Variants in LINGO2 observed in about 807,000 individuals in gnomAD.
The protein encoded by LINGO2 is leucine rich repeat and Ig domain containing 2.
Under a neutral mutation model 30.6 loss-of-function variants are expected in LINGO2, and 14 were observed. The observed-to-expected ratio is 0.46, with a 90% confidence interval of 0.30 to 0.72. The LOEUF is 0.72. LINGO2 is among the 30% of genes least tolerant of loss of function. LINGO2 has a pLI of 0.07. For synonymous variants in LINGO2, 317 were observed against 288.5 expected (o/e 1.10, Z -1.00); for missense variants, 729 against 751.7 (o/e 0.97, Z 0.35).
At chr9:28,142,865 T>C (rs77671100) in intron 4 of LINGO2, among the ~76,000 whole-genome samples, 1,634 of 152,320 alleles carry the variant, frequency 0.011, 25 homozygotes, top group African/African-American at 0.037. Context: ...ATCATTTCCC[T>C]AGCTGGAGTG....
At chr9:29,071,909 T>C in the LINGO2 span, among the ~76,000 whole-genome samples, 2 of 152,134 alleles carry the variant, frequency 1.3e-5, no homozygotes, top group African/African-American at 2.4e-5. Context: ...ATGATTCTGA[T>C]GAAAATGATT....
At chr9:29,139,265 G>T in the LINGO2 span, among the ~76,000 whole-genome samples, 19 of 152,128 alleles carry the variant, frequency 1.2e-4, no homozygotes, top group Non-Finnish European at 2.5e-4. Flanking sequence ...CTAATACCTT[G>T]ATTACAGCTT....
Position 28,512,580 on chromosome 9 carries a change from GATATATATGTGTGTATAT to G in LINGO2, c.-364-36573_-364-36556del, listed in dbSNP as rs1328759123. Among the ~76,000 whole-genome samples, 228 of 87,098 alleles carry G rather than the reference GATATATATGTGTGTATAT, an allele frequency of 2.6e-3. 5 individuals carry two copies. Among genetic ancestry groups the G allele is most frequent in the Admixed American group, 0.018 (130 of 7,260 alleles). 57.1% of individuals were successfully genotyped at this position (87,098 alleles called of 152,430 possible). On this transcript the variant is annotated intron_variant, in intron 1 of 5. Transcript: ENST00000379992. Reference sequence around the variant, plus strand: ...TTCTCTAGAGGGACAGAACTAACAGGATATATATGTGTGTATATATATATATATATATATATATATATA... The same window carrying G: ...TTCTCTAGAGGGACAGAACTAACAGGATATATATATATATATATATATATA...
intron 4 of LINGO2, among the ~76,000 whole-genome samples, chr9:28,054,101 T>TG (rs1824805553): frequency 6.6e-6 from 1 of 150,928 alleles, no homozygotes; most frequent in African/African-American, 2.5e-5. Flanking sequence ...TGATGGGAGG[T>TG]GGGGAGAAGC....
At chr9:28,676,029 T>C in the LINGO2 span, among the ~76,000 whole-genome samples, 1 of 150,464 alleles carries the variant, frequency 6.6e-6, no homozygotes, top group East Asian at 1.9e-4. Context: ...TTTCAATTAA[T>C]AATATGATAT....
At chr9:29,007,695 A>G in the LINGO2 span, among the ~76,000 whole-genome samples, 1 of 152,078 alleles carries the variant, frequency 6.6e-6, no homozygotes, top group Non-Finnish European at 1.5e-5. Flanking sequence ...ATTCAGTGAT[A>G]TCCAAAGTGT....
the LINGO2 span, among the ~76,000 whole-genome samples, chr9:29,020,042 T>C: frequency 2.0e-5 from 3 of 152,218 alleles, no homozygotes; most frequent in Non-Finnish European, 2.9e-5. Flanking sequence ...TGAAGGCATA[T>C]GTTTAGCAGC....
At chr9:28,924,122 C>T in the LINGO2 span, among the ~76,000 whole-genome samples, 3 of 152,314 alleles carry the variant, frequency 2.0e-5, no homozygotes, top group Admixed American at 2.0e-4. Flanking sequence ...GGCACGTGCC[C>T]TGTGTACTAT....
chr9:28,709,542 C>G, the LINGO2 span, among the ~76,000 whole-genome samples: 2 of 151,834 alleles, frequency 1.3e-5, no homozygotes, highest in Admixed American at 1.3e-4. Flanking sequence ...AATTTTACTT[C>G]AAATCAAATG....
intron 4 of LINGO2, among the ~76,000 whole-genome samples, chr9:28,035,746 G>T (rs1042862462): frequency 1.3e-5 from 2 of 152,274 alleles, no homozygotes; most frequent in East Asian, 1.9e-4. Flanking sequence ...CATTGTAGGG[G>T]TATGTTGAAT....
the LINGO2 span, among the ~76,000 whole-genome samples, chr9:28,854,796 A>G: frequency 6.6e-6 from 1 of 151,930 alleles, no homozygotes; most frequent in South Asian, 2.1e-4. Context: ...ACCAAAAAGA[A>G]CTGTTAGCTG....
At chr9:28,603,115 T>C (rs958947937) in intron 1 of LINGO2, among the ~76,000 whole-genome samples, 1 of 152,052 alleles carries the variant, frequency 6.6e-6, no homozygotes, top group African/African-American at 2.4e-5. Flanking sequence ...TACAAGTATG[T>C]GTTTAAAATG....
chr9:28,294,709 C>G (rs958769045), intron 4 of LINGO2, among the ~76,000 whole-genome samples: 1 of 152,096 alleles, frequency 6.6e-6, no homozygotes, highest in Admixed American at 6.6e-5. Context: ...TCTTAAATAA[C>G]AGGTGAATAG....
the LINGO2 span, among the ~76,000 whole-genome samples, chr9:29,072,173 T>C: frequency 6.9e-6 from 1 of 145,370 alleles, no homozygotes; most frequent in Non-Finnish European, 1.5e-5. Flanking sequence ...ATTATATATA[T>C]TGAATGAGGG....
the LINGO2 span, among the ~76,000 whole-genome samples, chr9:28,921,615 T>A: frequency 6.6e-6 from 1 of 152,198 alleles, no homozygotes; most frequent in African/African-American, 2.4e-5. Flanking sequence ...GGAGCACAGC[T>A]AAGAGAGCGG....
At chr9:29,023,939 T>C in the LINGO2 span, among the ~76,000 whole-genome samples, 4 of 152,154 alleles carry the variant, frequency 2.6e-5, no homozygotes, top group Non-Finnish European at 5.9e-5. Flanking sequence ...CACTTTTTTT[T>C]CCAAATGTTA....
At chr9:28,713,293 T>A in the LINGO2 span, among the ~76,000 whole-genome samples, 1 of 152,170 alleles carries the variant, frequency 6.6e-6, no homozygotes, top group Non-Finnish European at 1.5e-5. Flanking sequence ...ATATAATAAC[T>A]AAAACTGATA....
At chr9:28,638,655 C>T (rs1489163189) in intron 1 of LINGO2, among the ~76,000 whole-genome samples, 2 of 152,050 alleles carry the variant, frequency 1.3e-5, no homozygotes, top group African/African-American at 4.8e-5. Context: ...TCTGTGGGAT[C>T]GGCGGTGATA....
chr9:28,262,898 T>A (rs947654351), intron 4 of LINGO2, among the ~76,000 whole-genome samples: 2 of 152,016 alleles, frequency 1.3e-5, no homozygotes, highest in African/African-American at 4.8e-5. Flanking sequence ...AATGGTAGAC[T>A]AACTGTATTG....
Sources: allele counts gnomAD v4.1 joint callset (sites outside exome capture counted in the v4.1 genomes callset), GRCh38; gene constraint gnomAD v4.1.1; transcripts MANE v1.5; gene names NCBI Gene and HGNC (gene_info 2026-07-23, HGNC 2026-07-21).